BCL11A: variants seen among roughly 807,000 people sequenced by gnomAD.
BCL11A encodes the protein B cell CLL/lymphoma 11A.
In BCL11A, 2 loss-of-function variants were observed where a neutral mutation model predicts 55.9. That is an observed-to-expected ratio of 0.04 (90% CI 0.01 to 0.11). The LOEUF (loss-of-function observed/expected upper bound fraction) is 0.11. BCL11A is among the 10% of genes least tolerant of loss of function. The pLI is 1.00. For synonymous variants in BCL11A, 465 were observed against 473.4 expected (o/e 0.98, Z 0.23); for missense variants, 817 against 1,137.1 (o/e 0.72, Z 4.05).
At chr2:60,514,958 G>A (rs1257707147) in intron 2 of BCL11A, among the ~76,000 whole-genome samples, 6 of 151,758 alleles carry the variant, frequency 4.0e-5, no homozygotes, top group Non-Finnish European at 7.4e-5. Flanking sequence ...GCCACCCAAA[G>A]GAAAGCAGGC....
chr2:60,455,905 A>G (rs1264969696), downstream of BCL11A, among the ~76,000 whole-genome samples: 1 of 152,190 alleles, frequency 6.6e-6, no homozygotes, highest in African/African-American at 2.4e-5. Context: ...AACCTAATCC[A>G]AAACACATAC....
chr2:60,547,770 G>A (rs780312104), intron 1 of BCL11A, among the ~76,000 whole-genome samples: 2 of 152,124 alleles, frequency 1.3e-5, no homozygotes, highest in Non-Finnish European at 2.9e-5. Flanking sequence ...CCCTACCCAG[G>A]CTGAATATTG....
At chr2:60,545,928 A>G in intron 2 of BCL11A, 43 bp downstream of exon 2, 1 of 1,564,074 alleles carries the variant, frequency 6.4e-7, no homozygotes, top group South Asian at 1.2e-5. Context: ...CTGAAAATGA[A>G]AAGAAAACAT....
At chr2:60,467,178 TGG>T in intron 3 of BCL11A, among the ~76,000 whole-genome samples, 4 of 145,132 alleles carry the variant, frequency 2.8e-5, no homozygotes, top group Admixed American at 6.8e-5. Context: ...ATGGTGGTGG[TGG>T]TGGTGGTGAT....
chr2:60,484,099 C>T (rs893705170), intron 2 of BCL11A: 3 of 152,230 alleles, frequency 2.0e-5, no homozygotes, highest in East Asian at 1.9e-4. Flanking sequence ...AGGTCACTAT[C>T]GACAGCTCAT....
intron 1 of BCL11A, among the ~76,000 whole-genome samples, chr2:60,548,307 T>A (rs914301178): frequency 1.3e-5 from 2 of 151,788 alleles, no homozygotes; most frequent in Non-Finnish European, 2.9e-5. Flanking sequence ...AAAAAAAAAT[T>A]TTTTATTTCC....
chr2:60,452,466 T>G (rs1400212164), downstream of BCL11A: 4 of 913,714 alleles, frequency 4.4e-6, no homozygotes, highest in Non-Finnish European at 7.2e-6. Flanking sequence ...GCACAACGGC[T>G]TCTTGGAGGC....
intron 2 of BCL11A, chr2:60,525,562 A>T (rs1669164515): frequency 6.6e-6 from 1 of 152,156 alleles, no homozygotes; most frequent in South Asian, 2.1e-4. Context: ...GATTCCAAAA[A>T]ATAGCAGGGA....
chr2:60,495,879 C>T (rs893127383), intron 2 of BCL11A: 2 of 152,140 alleles, frequency 1.3e-5, no homozygotes, highest in Non-Finnish European at 2.9e-5. Context: ...ACAGTGAAGT[C>T]AAACTGTAAT....
intron 2 of BCL11A, among the ~76,000 whole-genome samples, chr2:60,523,115 G>A (rs1351712703): frequency 6.6e-6 from 1 of 152,232 alleles, no homozygotes; most frequent in Admixed American, 6.5e-5. Context: ...ACTGTGTACA[G>A]ATTACTGAAG....
chr2:60,497,864 C>T (rs779975458), intron 2 of BCL11A, among the ~76,000 whole-genome samples: 3 of 152,054 alleles, frequency 2.0e-5, no homozygotes, highest in Non-Finnish European at 4.4e-5. Context: ...TGCACATTGT[C>T]CTAAATGAAA....
chr2:60,472,074 A>G (rs888709482), intron 2 of BCL11A, among the ~76,000 whole-genome samples: 2 of 152,186 alleles, frequency 1.3e-5, no homozygotes, highest in African/African-American at 2.4e-5. Context: ...GGACTGGAAC[A>G]GTCAAAAACA....
chr2:60,516,935 A>C (rs1668759881), intron 2 of BCL11A, among the ~76,000 whole-genome samples: 1 of 152,256 alleles, frequency 6.6e-6, no homozygotes, highest in Admixed American at 6.5e-5. Context: ...GGGTTACAAG[A>C]TAATAGATCC....
intron 2 of BCL11A, chr2:60,543,672 C>T (rs978772185): frequency 6.6e-6 from 1 of 152,198 alleles, no homozygotes; most frequent in Admixed American, 6.5e-5. Context: ...TGAGATGTGA[C>T]CACACTATTT....
chr2:60,529,176 G>C (rs1376839628), intron 2 of BCL11A, among the ~76,000 whole-genome samples: 1 of 152,174 alleles, frequency 6.6e-6, no homozygotes, highest in Admixed American at 6.5e-5. Flanking sequence ...CCCCATAATG[G>C]GGGAACTACT....
chr2:60,545,155 ACAT>A (rs1191543995), intron 2 of BCL11A: 1 of 152,280 alleles, frequency 6.6e-6, no homozygotes, highest in East Asian at 1.9e-4. Flanking sequence ...TGTCAAAACC[ACAT>A]CAGAGACAAG....
chr2:60,540,945 T>TG (rs1356569330), intron 2 of BCL11A, among the ~76,000 whole-genome samples: 3 of 128,632 alleles, frequency 2.3e-5, no homozygotes, highest in East Asian at 4.2e-4. Flanking sequence ...CAGCACTGGT[T>TG]TTGTGTGTGT....
At chr2:60,475,176 C>G (rs938649893) in intron 2 of BCL11A, among the ~76,000 whole-genome samples, 3 of 152,250 alleles carry the variant, frequency 2.0e-5, no homozygotes, top group African/African-American at 4.8e-5. Flanking sequence ...CACACTGATT[C>G]ATCCAGTTGA....
intron 2 of BCL11A, among the ~76,000 whole-genome samples, chr2:60,474,925 G>A (rs1159833977): frequency 6.6e-6 from 1 of 152,228 alleles, no homozygotes; most frequent in Non-Finnish European, 1.5e-5. Context: ...AGTGTGTCAT[G>A]AGAGAGGTAC....
Sources: allele counts gnomAD v4.1 joint callset (sites outside exome capture counted in the v4.1 genomes callset), GRCh38; gene constraint gnomAD v4.1.1; transcripts MANE v1.5; gene names NCBI Gene and HGNC (gene_info 2026-07-23, HGNC 2026-07-21).